The following CEP128 variants were observed in gnomAD, a reference collection of about 807,000 sequenced individuals.
CEP128 encodes the protein centrosomal protein 128kDa.
CEP128 carries 132 observed loss-of-function variants against 156.7 expected under a neutral mutation model. The ratio of observed to expected loss-of-function variants is 0.84; its 90% CI spans 0.73 to 0.97. The LOEUF is 0.97. CEP128 is among the 50% of genes least tolerant of loss of function. The pLI is 0.00. For missense variants in CEP128, 1,252 were observed against 1,281.9 expected (o/e 0.98, Z 0.36); for synonymous variants, 469 against 448.9 (o/e 1.04, Z -0.57).
intron 4 of CEP128, among the ~76,000 whole-genome samples, chr14:80,913,790 T>G (rs1437512456): frequency 2.0e-5 from 3 of 152,046 alleles, no homozygotes; most frequent in African/African-American, 7.2e-5. Context: ...GGGAGCAGGG[T>G]AAAAGATGAA....
At chr14:80,591,568 C>T (rs1490733032) in intron 19 of CEP128, among the ~76,000 whole-genome samples, 3 of 152,112 alleles carry the variant, frequency 2.0e-5, no homozygotes, top group African/African-American at 7.2e-5. Flanking sequence ...GAGACTTTAA[C>T]ACCCCACTGT....
intron 13 of CEP128, among the ~76,000 whole-genome samples, chr14:80,810,737 A>G (rs1884486251): frequency 6.6e-6 from 1 of 152,190 alleles, no homozygotes. Flanking sequence ...CACCTGGTAG[A>G]ATTCCACAGT....
At chr14:80,826,156 AATACAGAAGTATAGGGC>A (rs1316798938) in intron 13 of CEP128, among the ~76,000 whole-genome samples, 3 of 152,036 alleles carry the variant, frequency 2.0e-5, no homozygotes, top group Non-Finnish European at 4.4e-5. Context: ...CTTTGTGAAA[AATACAGAAGTATAGGGC>A]ATTCAGTAAT....
intron 19 of CEP128, among the ~76,000 whole-genome samples, chr14:80,588,574 C>A (rs1891916721): frequency 6.6e-6 from 1 of 151,932 alleles, no homozygotes; most frequent in African/African-American, 2.4e-5. Context: ...AAATTTAAAT[C>A]TTCAGTTTTA....
chr14:80,511,008 T>G lies in CEP128; in HGVS notation c.3073-5988A>C, dbSNP rs150485226. On this transcript the variant is annotated intron_variant, in intron 23 of 24. Transcript: ENST00000555265. The stretch of plus-strand genomic sequence containing the variant: ...TGAATTTGGTTTGCTGGTATTTTGT[T>G]GAAGATTTTTTTCATCAATGTTCAT... 7.1e-3 allele frequency among the ~76,000 whole-genome samples: 1,084 copies of G among 151,708 alleles called. 10 individuals carry two copies. The highest frequency in any genetic ancestry group is 0.024 in the African/African-American group (985 of 41,452).
chr14:80,538,928 T>G (rs1889611983), intron 21 of CEP128, among the ~76,000 whole-genome samples: 4 of 152,184 alleles, frequency 2.6e-5, no homozygotes, highest in Non-Finnish European at 5.9e-5. Context: ...TGTGACCTAT[T>G]AATGCTTGCA....
At chr14:80,750,398 CT>C (rs76032457) in intron 18 of CEP128, among the ~76,000 whole-genome samples, 49,997 of 150,106 alleles carry the variant, frequency 0.33, 9,485 homozygotes, top group Non-Finnish European at 0.43. Context: ...TGAAACTCTA[CT>C]TTTTTTTTTA....
chr14:80,849,689 T>C (rs1001361426), intron 9 of CEP128, among the ~76,000 whole-genome samples: 1 of 152,022 alleles, frequency 6.6e-6, no homozygotes, highest in African/African-American at 2.4e-5. Flanking sequence ...AGAAACACAA[T>C]GAGTCATGAG....
At chr14:80,666,297 T>A (rs1895609491) in intron 19 of CEP128, among the ~76,000 whole-genome samples, 1 of 152,234 alleles carries the variant, frequency 6.6e-6, no homozygotes, top group Non-Finnish European at 1.5e-5. Flanking sequence ...CTCTAGCCTA[T>A]GGGCCAGGAC....
intron 13 of CEP128, among the ~76,000 whole-genome samples, chr14:80,825,568 TAATA>T (rs1413521577): frequency 6.6e-6 from 1 of 152,188 alleles, no homozygotes; most frequent in Non-Finnish European, 1.5e-5. Context: ...TAGTAATTAG[TAATA>T]AATACAAACT....
chr14:80,642,014 C>T (rs1049907527), intron 19 of CEP128, among the ~76,000 whole-genome samples: 14 of 142,802 alleles, frequency 9.8e-5, no homozygotes, highest in Admixed American at 3.1e-4. Flanking sequence ...GATGTGAACC[C>T]GGGAGGCGGA....
chr14:80,936,324 G>A (rs1335108358), intron 2 of CEP128, among the ~76,000 whole-genome samples: 2 of 152,122 alleles, frequency 1.3e-5, no homozygotes, highest in Non-Finnish European at 2.9e-5. Flanking sequence ...CGAGGCTGCA[G>A]TGATCCAAGA....
intron 20 of CEP128, among the ~76,000 whole-genome samples, chr14:80,568,211 A>G (rs1438313006): frequency 2.0e-5 from 3 of 152,170 alleles, no homozygotes; most frequent in Non-Finnish European, 4.4e-5. Context: ...CGAAGGGCAC[A>G]TATCTCCTAG....
At chr14:80,716,643 G>A (rs918308862) in intron 19 of CEP128, among the ~76,000 whole-genome samples, 5 of 152,060 alleles carry the variant, frequency 3.3e-5, no homozygotes, top group East Asian at 3.9e-4. Context: ...TTATCCATTC[G>A]TCAGCTGATG....
intron 11 of CEP128, 42 bp from the exon 12 acceptor site, chr14:80,836,379 G>A: frequency 1.2e-6 from 2 of 1,611,314 alleles, no homozygotes; most frequent in Non-Finnish European, 1.7e-6. Flanking sequence ...TTCACAATCA[G>A]AGAAAGACCT....
At chr14:80,849,658 T>C (rs1886790266) in intron 9 of CEP128, among the ~76,000 whole-genome samples, 1 of 152,104 alleles carries the variant, frequency 6.6e-6, no homozygotes, top group South Asian at 2.1e-4. Context: ...TTGGGGTACT[T>C]AATAGAAATA....
chr14:80,548,336 G>A (rs182147716), intron 21 of CEP128, among the ~76,000 whole-genome samples: 1 of 152,146 alleles, frequency 6.6e-6, no homozygotes, highest in Admixed American at 6.5e-5. Context: ...AAGGTAATTT[G>A]TTAAAACTAG....
At chr14:80,886,848 A>G (rs1015504186) in intron 8 of CEP128, among the ~76,000 whole-genome samples, 14 of 152,258 alleles carry the variant, frequency 9.2e-5, no homozygotes, top group African/African-American at 3.4e-4. Context: ...TTGGAAAAAG[A>G]GTCAAGACCC....
At chr14:80,513,682 T>C (rs1888361258) in intron 23 of CEP128, among the ~76,000 whole-genome samples, 1 of 152,210 alleles carries the variant, frequency 6.6e-6, no homozygotes, top group African/African-American at 2.4e-5. Flanking sequence ...TGGAGAGTTG[T>C]GCCCTACAAA....
Sources: allele counts gnomAD v4.1 joint callset (sites outside exome capture counted in the v4.1 genomes callset), GRCh38; gene constraint gnomAD v4.1.1; transcripts MANE v1.5; gene names NCBI Gene and HGNC (gene_info 2026-07-23, HGNC 2026-07-21).